The following NFIB variants were observed in gnomAD, a reference collection of about 807,000 sequenced individuals.
NFIB encodes nuclear factor 1 B-type.
A neutral mutation model predicts 61.5 loss-of-function variants in NFIB; 11 were observed. The observed-to-expected ratio is 0.18, with a 90% confidence interval of 0.11 to 0.30. The LOEUF (loss-of-function observed/expected upper bound fraction) is 0.30, where lower values mean the gene tolerates loss of function less well. Ranked by LOEUF, NFIB falls within the 10% of genes least tolerant of loss-of-function variation. NFIB has a pLI of 1.00. For synonymous variants in NFIB, 260 were observed against 216.5 expected (o/e 1.20, Z -1.76); for missense variants, 471 against 608.9 (o/e 0.77, Z 2.38).
chr9:14,232,186 A>C lies in NFIB; in HGVS notation c.563-52406T>G, dbSNP rs181060533. Among the ~76,000 whole-genome samples, 191 of 152,306 alleles carry C rather than the reference A, an allele frequency of 1.3e-3. 2 individuals are homozygous for C. Among genetic ancestry groups the C allele is most frequent in the Admixed American group, 4.0e-3 (61 of 15,290 alleles). On this transcript the variant is annotated intron_variant, in intron 2 of 10. Transcript: ENST00000380953. ...ATGAAATGGGTTCATGGATGTTAGG[A>C]AGAAAAAAACGTATGCCATGGTGGG...
the NFIB span, among the ~76,000 whole-genome samples, chr9:14,411,361 T>C: frequency 0.21 from 32,003 of 152,104 alleles, 3,704 homozygotes; most frequent in Non-Finnish European, 0.26. Flanking sequence ...GATTGATCTA[T>C]TACAGAGGTC....
At chr9:14,477,964 C>A in the NFIB span, among the ~76,000 whole-genome samples, 32 of 152,042 alleles carry the variant, frequency 2.1e-4, no homozygotes, top group Non-Finnish European at 1.8e-4. Context: ...ACCACCCCAC[C>A]CCCCATTCTA....
chr9:14,276,913 CA>C (rs924590709), intron 2 of NFIB, among the ~76,000 whole-genome samples: 13 of 151,454 alleles, frequency 8.6e-5, no homozygotes, highest in Admixed American at 3.3e-4. Context: ...AATCAGGCCA[CA>C]AAAAAATACT....
intron 1 of NFIB, among the ~76,000 whole-genome samples, chr9:14,334,321 A>G (rs2060858362): frequency 1.3e-5 from 2 of 152,208 alleles, no homozygotes; most frequent in Non-Finnish European, 2.9e-5. Context: ...GTAGTAATTT[A>G]TACTCCCACC....
At position 14,275,425 on chromosome 9, in the gene NFIB, C is replaced by G. The variant is rs149385417; in HGVS notation, c.562+31564G>C. Among the ~76,000 whole-genome samples the G allele has an allele frequency of 8.0e-3, 1,215 of 152,158 alleles. 15 individuals are homozygous for G. The highest frequency in any genetic ancestry group is 0.028 in the African/African-American group (1,158 of 41,514). On this transcript the variant is annotated intron_variant, in intron 2 of 10. Transcript: ENST00000380953. ...AGTCATAGTAAGAAGAAGAATAAAG[C>G]GATATCAGTGCAGTTGAGGCAAACA...
chr9:14,414,631 A>G, the NFIB span, among the ~76,000 whole-genome samples: 3 of 150,770 alleles, frequency 2.0e-5, no homozygotes, highest in Non-Finnish European at 4.4e-5. Context: ...CCTACATGCC[A>G]GTTAAGAGGA....
At chr9:14,205,930 AACAC>A (rs112967996) in intron 2 of NFIB, among the ~76,000 whole-genome samples, 36 of 148,610 alleles carry the variant, frequency 2.4e-4, no homozygotes, top group African/African-American at 5.1e-4. Context: ...TCACCTGAAA[AACAC>A]ACACACACAC....
intron 4 of NFIB, among the ~76,000 whole-genome samples, chr9:14,153,109 G>T (rs1310364225): frequency 6.6e-6 from 1 of 152,088 alleles, no homozygotes; most frequent in East Asian, 1.9e-4. Flanking sequence ...ATTATACACT[G>T]TATGCATGGA....
the NFIB span, among the ~76,000 whole-genome samples, chr9:14,450,785 C>T: frequency 6.6e-6 from 1 of 152,176 alleles, no homozygotes; most frequent in East Asian, 1.9e-4. Context: ...ATCAACCGGC[C>T]ATGAAGTATC....
intron 1 of NFIB, among the ~76,000 whole-genome samples, chr9:14,342,205 G>A (rs1464224734): frequency 1.3e-5 from 2 of 152,200 alleles, no homozygotes; most frequent in African/African-American, 4.8e-5. Context: ...ACCTAGATAA[G>A]GGGGTAGAAT....
chr9:14,523,685 T>C, the NFIB span, among the ~76,000 whole-genome samples: 1 of 152,130 alleles, frequency 6.6e-6, no homozygotes. Context: ...CCAAATACAT[T>C]AACCTTTTCC....
intron 2 of NFIB, among the ~76,000 whole-genome samples, chr9:14,295,036 T>C (rs1355995978): frequency 6.6e-6 from 1 of 152,224 alleles, no homozygotes; most frequent in Non-Finnish European, 1.5e-5. Context: ...GTAAATGTTG[T>C]AACCATTCTC....
intron 1 of NFIB, among the ~76,000 whole-genome samples, chr9:14,324,577 T>G (rs1309098188): frequency 2.0e-5 from 3 of 152,116 alleles, no homozygotes; most frequent in African/African-American, 7.2e-5. Context: ...GGAAATATTT[T>G]GAGACACAAA....
At chr9:14,134,241 C>T (rs1198400619) in intron 6 of NFIB, among the ~76,000 whole-genome samples, 1 of 152,164 alleles carries the variant, frequency 6.6e-6, no homozygotes, top group Non-Finnish European at 1.5e-5. Context: ...GCCACTCAGG[C>T]ACTGCTCTAG....
chr9:14,317,915 G>A (rs118050668), upstream of NFIB, among the ~76,000 whole-genome samples: 2,447 of 152,290 alleles, frequency 0.016, 39 homozygotes, highest in Non-Finnish European at 0.024. Context: ...TTTCTAGCAC[G>A]TCTGTGTCGT....
upstream of NFIB, among the ~76,000 whole-genome samples, chr9:14,403,729 G>A (rs946161315): frequency 6.6e-6 from 1 of 152,082 alleles, no homozygotes; most frequent in African/African-American, 2.4e-5. Context: ...TGTATTAGTC[G>A]GTTGTCTTTT....
chr9:14,365,956 T>A (rs525501), intron 1 of NFIB, among the ~76,000 whole-genome samples: 150,438 of 152,296 alleles, frequency 0.99, 74,306 homozygotes, highest in East Asian at 1. Flanking sequence ...GGCTTAGGGA[T>A]CAGTTTCTCT....
chr9:14,263,265 G>C (rs1372307127), intron 2 of NFIB, among the ~76,000 whole-genome samples: 2 of 133,286 alleles, frequency 1.5e-5, no homozygotes, highest in Non-Finnish European at 3.2e-5. Context: ...AATGGCATTT[G>C]AATAGCATGA....
chr9:14,414,942 T>G, the NFIB span, among the ~76,000 whole-genome samples: 1 of 152,220 alleles, frequency 6.6e-6, no homozygotes, highest in Non-Finnish European at 1.5e-5. Flanking sequence ...TTCCTCTTGC[T>G]GACTAATAAA....
Sources: allele counts gnomAD v4.1 joint callset (sites outside exome capture counted in the v4.1 genomes callset), GRCh38; gene constraint gnomAD v4.1.1; transcripts MANE v1.5; gene names NCBI Gene and HGNC (gene_info 2026-07-23, HGNC 2026-07-21).